The following BICD1 variants were observed in gnomAD, a reference collection of about 807,000 sequenced individuals.
BICD1 encodes BICD cargo adaptor 1.
A neutral mutation model predicts 92.5 loss-of-function variants in BICD1; 35 were observed. The observed-to-expected ratio is 0.38, with a 90% CI of 0.29 to 0.50. BICD1 has a LOEUF of 0.50. Ranked by LOEUF, BICD1 falls within the 20% of genes least tolerant of loss-of-function variation. BICD1 has a pLI of 0.93. For synonymous variants in BICD1, 429 were observed against 465.1 expected (o/e 0.92, Z 1.00); for missense variants, 950 against 1,189.8 (o/e 0.80, Z 2.97).
chr12:32,131,651 A>T (rs1942550258), intron 1 of BICD1, among the ~76,000 whole-genome samples: 1 of 152,232 alleles, frequency 6.6e-6, no homozygotes, highest in South Asian at 2.1e-4. Flanking sequence ...TGGTGTAGGA[A>T]AAAATAACTA....
chr12:32,142,476 A>G (rs1410629213), intron 1 of BICD1, among the ~76,000 whole-genome samples: 2 of 125,722 alleles, frequency 1.6e-5, no homozygotes, highest in African/African-American at 2.8e-5. Flanking sequence ...CTATCTATCT[A>G]TCTATCTATC....
chr12:32,121,394 A>G (rs1292463157), intron 1 of BICD1, among the ~76,000 whole-genome samples: 1 of 149,378 alleles, frequency 6.7e-6, no homozygotes, highest in East Asian at 2.1e-4. Flanking sequence ...GGAGTTCAAG[A>G]CCAGCCTGGC....
chr12:32,267,622 T>A (rs1182677069), intron 2 of BICD1, among the ~76,000 whole-genome samples: 1 of 151,468 alleles, frequency 6.6e-6, no homozygotes, highest in Non-Finnish European at 1.5e-5. Context: ...TATTAAGCTA[T>A]TTTTTTGTTT....
intron 8 of BICD1, among the ~76,000 whole-genome samples, chr12:32,348,232 G>T (rs1218062971): frequency 6.6e-6 from 1 of 152,086 alleles, no homozygotes; most frequent in Non-Finnish European, 1.5e-5. Context: ...TATGATGAAA[G>T]GATGAAACTT....
intron 1 of BICD1, among the ~76,000 whole-genome samples, chr12:32,177,123 T>G (rs1388795351): frequency 6.6e-6 from 1 of 151,908 alleles, no homozygotes; most frequent in Non-Finnish European, 1.5e-5. Context: ...AAGACCAGCC[T>G]GGCCAACATG....
At chr12:32,350,852 C>T (rs191449058) in intron 8 of BICD1, among the ~76,000 whole-genome samples, 2 of 151,736 alleles carry the variant, frequency 1.3e-5, no homozygotes, top group East Asian at 3.9e-4. Flanking sequence ...GCCATAGAAC[C>T]ACTAAATTCA....
intron 1 of BICD1, among the ~76,000 whole-genome samples, chr12:32,119,925 T>C (rs927669423): frequency 6.6e-6 from 1 of 152,214 alleles, no homozygotes; most frequent in African/African-American, 2.4e-5. Context: ...TAAACCTTCA[T>C]TGCACAGTCT....
intron 8 of BICD1, among the ~76,000 whole-genome samples, chr12:32,343,014 C>T (rs1350209671): frequency 6.6e-6 from 1 of 152,210 alleles, no homozygotes; most frequent in African/African-American, 2.4e-5. Context: ...CAACCTCAGC[C>T]CTTACAATTG....
At chr12:32,144,491 G>T (rs1050065882) in intron 1 of BICD1, among the ~76,000 whole-genome samples, 5 of 152,174 alleles carry the variant, frequency 3.3e-5, no homozygotes, top group African/African-American at 1.2e-4. Flanking sequence ...AAATGTCAAA[G>T]ATTATGGTTT....
At chr12:32,361,251 C>G (rs1317032152) in intron 8 of BICD1, among the ~76,000 whole-genome samples, 1 of 152,106 alleles carries the variant, frequency 6.6e-6, no homozygotes, top group East Asian at 1.9e-4. Flanking sequence ...AAATTGACAT[C>G]ACGTCTTAAA....
intron 2 of BICD1, among the ~76,000 whole-genome samples, chr12:32,279,406 A>G (rs370389990): frequency 6.6e-5 from 10 of 152,234 alleles, no homozygotes; most frequent in African/African-American, 2.4e-4. Context: ...AGTGATACCA[A>G]AAGAAAGATC....
At chr12:32,188,535 A>G (rs957851990) in intron 1 of BICD1, among the ~76,000 whole-genome samples, 14 of 152,350 alleles carry the variant, frequency 9.2e-5, no homozygotes, top group African/African-American at 2.6e-4. Flanking sequence ...TTCAAAACCC[A>G]TAGAGGTTCC....
intron 2 of BICD1, among the ~76,000 whole-genome samples, chr12:32,236,402 A>T (rs1160261890): frequency 6.6e-6 from 1 of 151,968 alleles, no homozygotes; most frequent in Admixed American, 6.6e-5. Flanking sequence ...CTCAAATAAT[A>T]ATAATAATAA....
At position 32,236,274 on chromosome 12, in the gene BICD1, A is replaced by G. The variant is rs534949016; in HGVS notation, c.426+19815A>G. On this transcript the variant is annotated intron_variant, in intron 2 of 9. Coordinates refer to ENST00000652176, the MANE Select transcript of BICD1 (RefSeq NM_001714.4). ...GCTGGGTGTGGTGACGCACACCTGT[A>G]GTCCCAGCTACTTGGGAGGCTGAGG... Among the ~76,000 whole-genome samples, 3 of 152,014 alleles carry G rather than the reference A, an allele frequency of 2.0e-5. No individual in the cohort carries two copies. The South Asian group carries it at 6.3e-4, about 32-fold the overall frequency.
intron 4 of BICD1, among the ~76,000 whole-genome samples, chr12:32,309,923 T>G (rs943952506): frequency 3.3e-5 from 5 of 152,214 alleles, no homozygotes; most frequent in African/African-American, 1.2e-4. Flanking sequence ...ATGCTATCCC[T>G]GACAGTTTGT....
At chr12:32,345,609 T>C (rs1305486912) in intron 8 of BICD1, among the ~76,000 whole-genome samples, 3 of 152,204 alleles carry the variant, frequency 2.0e-5, no homozygotes, top group Admixed American at 2.0e-4. Context: ...GTATCTGGGT[T>C]CTTCTTTCCT....
At chr12:32,317,539 C>T (rs1592663751) in intron 4 of BICD1, among the ~76,000 whole-genome samples, 1 of 152,166 alleles carries the variant, frequency 6.6e-6, no homozygotes, top group South Asian at 2.1e-4. Flanking sequence ...CCTGCACCCA[C>T]TTTTTGATGG....
chr12:32,218,611 C>T (rs898992375), intron 2 of BICD1, among the ~76,000 whole-genome samples: 28 of 152,282 alleles, frequency 1.8e-4, no homozygotes, highest in African/African-American at 6.7e-4. Context: ...ATGCATTTTA[C>T]ATAGTAGATT....
rs1948437001 is a variant in BICD1, at chr12:32,313,863, C to T, written c.1005+7741C>T. On this transcript the variant is annotated intron_variant, in intron 4 of 9. Coordinates refer to ENST00000652176, the MANE Select transcript of BICD1 (RefSeq NM_001714.4). This position sits in a 1 kb window ranked among gnomAD's most constrained non-coding sequence, Gnocchi z 4.2. ...GGGCACGGTGGTGCGTGCCTATAGT[C>T]CCAGCTACTAGGGTCGCTGAGGTGG... Among the ~76,000 whole-genome samples the T allele has an allele frequency of 1.3e-5, 2 of 152,060 alleles. No individual in the cohort carries two copies. The highest frequency in any genetic ancestry group is 4.1e-4 in the South Asian group (2 of 4,822).
Sources: gnomAD v4.1 joint callset for allele counts (sites outside exome capture counted in the v4.1 genomes callset) on GRCh38, gnomAD v4.1.1 for gene constraint, Gnocchi (gnomAD v3.1) non-coding constraint, MANE v1.5 for transcripts, NCBI Gene and HGNC (gene_info 2026-07-23, HGNC 2026-07-21) for gene names.